The following ESRP1 variants were observed in gnomAD, a reference collection of about 807,000 sequenced individuals.
ESRP1 encodes the protein RNA-binding motif protein 35A.
Under a neutral mutation model 81.7 loss-of-function variants are expected in ESRP1, and 33 were observed. That is an observed-to-expected ratio of 0.40 (90% CI 0.31 to 0.54). The LOEUF (loss-of-function observed/expected upper bound fraction) is 0.54. Ranked by LOEUF, ESRP1 falls within the 20% of genes least tolerant of loss-of-function variation. The pLI is 0.41. For missense variants in ESRP1, 672 were observed against 833.1 expected (o/e 0.81, Z 2.38); for synonymous variants, 320 against 303.3 (o/e 1.06, Z -0.57).
At chr8:94,652,465 C>T (rs765508471) in intron 4 of ESRP1, among the ~76,000 whole-genome samples, 12 of 147,790 alleles carry the variant, frequency 8.1e-5, no homozygotes, top group East Asian at 7.9e-4. Flanking sequence ...ATGATAGGGA[C>T]GGGGGCTTCT....
At chr8:94,689,309 T>C (rs1464200018) in intron 13 of ESRP1, among the ~76,000 whole-genome samples, 1 of 132,882 alleles carries the variant, frequency 7.5e-6, no homozygotes, top group African/African-American at 2.5e-5. Context: ...TTTCCATTTA[T>C]TTAGATGATC....
chr8:94,656,374 A>T (rs1435894238), intron 4 of ESRP1, among the ~76,000 whole-genome samples: 1 of 151,812 alleles, frequency 6.6e-6, no homozygotes, highest in Non-Finnish European at 1.5e-5. Context: ...GCGTGCCACC[A>T]CGCCCGGCTA....
At chr8:94,671,924 A>G (rs1819351807) in intron 11 of ESRP1, among the ~76,000 whole-genome samples, 1 of 152,228 alleles carries the variant, frequency 6.6e-6, no homozygotes, top group Non-Finnish European at 1.5e-5. Context: ...CTGTAAATAC[A>G]AGAGGTCTTT....
At chr8:94,651,874 G>A (rs934037192) in intron 4 of ESRP1, among the ~76,000 whole-genome samples, 1 of 151,522 alleles carries the variant, frequency 6.6e-6, no homozygotes, top group African/African-American at 2.4e-5. Flanking sequence ...GCCTCCCAAA[G>A]TTCTGGTTTT....
intron 4 of ESRP1, among the ~76,000 whole-genome samples, chr8:94,659,446 G>A (rs142195859): frequency 9.2e-5 from 14 of 152,260 alleles, no homozygotes; most frequent in African/African-American, 3.4e-4. Flanking sequence ...CCAACTGGTG[G>A]TTACCCCATC....
At chr8:94,689,800 A>G (rs1809301578) in intron 13 of ESRP1, among the ~76,000 whole-genome samples, 1 of 89,228 alleles carries the variant, frequency 1.1e-5, no homozygotes, top group Non-Finnish European at 2.4e-5. Flanking sequence ...GGCATGTGCT[A>G]TGATGCCTGG....
intron 5 of ESRP1, 57 bp downstream of exon 5, chr8:94,662,427 C>G: frequency 6.5e-7 from 1 of 1,538,482 alleles, no homozygotes; most frequent in Non-Finnish European, 8.8e-7. Context: ...TTTCTCTTAC[C>G]TATACTCAAA....
chr8:94,662,467 A>G (rs773413648), intron 5 of ESRP1, 34 bp from the exon 6 acceptor site: 3 of 1,580,962 alleles, frequency 1.9e-6, no homozygotes, highest in Non-Finnish European at 2.6e-6. Flanking sequence ...CTCCCTAATC[A>G]CTAAAATGAT....
At chr8:94,665,616 G>T (rs551019067) in intron 9 of ESRP1, among the ~76,000 whole-genome samples, 1 of 151,998 alleles carries the variant, frequency 6.6e-6, no homozygotes, top group African/African-American at 2.4e-5. Context: ...CTCCGCCTCC[G>T]TAGTGGCTGG....
chr8:94,666,115 A>T (rs1486091720), intron 9 of ESRP1, among the ~76,000 whole-genome samples: 2 of 152,150 alleles, frequency 1.3e-5, no homozygotes, highest in Non-Finnish European at 1.5e-5. Context: ...TCTGTTGCTC[A>T]TTCATATTGT....
chr8:94,656,423 A>G (rs561722235), intron 4 of ESRP1, among the ~76,000 whole-genome samples: 58 of 150,958 alleles, frequency 3.8e-4, no homozygotes, highest in Middle Eastern at 3.4e-3. Flanking sequence ...GGGTTTCACC[A>G]TGTTAGCCAG....
rs1177321038 is a variant in ESRP1 at position 94,641,984 on chromosome 8, G to C, written c.161G>C (p.Arg54Thr). The change falls in exon 2 of 16, where the codon AGA (arginine) becomes ACA (threonine). Residue 54 changes from arginine (R) to threonine (T), a missense_variant. Coordinates refer to ENST00000433389, the MANE Select transcript of ESRP1 (RefSeq NM_017697.4). Reference sequence around the variant, plus strand: ...GGACAGTTGCACGAAGTGCTAGTTAGACCGGATCAGTTGGAACTGACGGAG... The same window carrying C: ...GGACAGTTGCACGAAGTGCTAGTTACACCGGATCAGTTGGAACTGACGGAG... ...KVGQLHEVLV[R>T]PDQLELTEDC... The C allele has an allele frequency of 2.5e-6, 4 of 1,614,008 alleles. No homozygotes were observed. In the African/African-American group the frequency reaches 4.0e-5, roughly 16 times the overall value.
rs1244115234 is a variant in ESRP1 at position 94,706,705 on chromosome 8, C to CT, written c.*822dup. On this transcript the variant is annotated 3_prime_UTR_variant, in exon 16 of 16. Coordinates refer to ENST00000433389, the MANE Select transcript of ESRP1 (RefSeq NM_017697.4). ...TTCATATGTATTATTTTATATTGTA[C>CT]TTTTTTCATTATTGATGGTTTGGAC... 1.3e-5 allele frequency: 2 copies of CT among 152,536 alleles called. No individual in the cohort carries two copies. Among genetic ancestry groups the CT allele is most frequent in the East Asian group, 3.9e-4 (2 of 5,178 alleles). 9.4% of individuals were successfully genotyped at this position (152,536 alleles called of 1,614,324 possible).
intron 15 of ESRP1, among the ~76,000 whole-genome samples, chr8:94,700,979 G>GTGTA (rs1563552491): frequency 5.0e-4 from 67 of 132,710 alleles, no homozygotes; most frequent in African/African-American, 2.0e-3. Flanking sequence ...GTGTGTGTGT[G>GTGTA]TGTGTTAAGA....
At chr8:94,695,378 G>T (rs1476182649) in intron 14 of ESRP1, among the ~76,000 whole-genome samples, 1 of 74,666 alleles carries the variant, frequency 1.3e-5, no homozygotes, top group Non-Finnish European at 2.4e-5. Context: ...TTTTTGAGAC[G>T]GAGTCTCACT....
At position 94,706,154 on chromosome 8, in the gene ESRP1, A is replaced by T; in HGVS notation, c.*265A>T. ...ACCTGGCTCTTTGCTGATTGCAAAT[A>T]GGCATTTAAAATGTGAATTTGGAAT... On this transcript the variant is annotated 3_prime_UTR_variant, in exon 16 of 16. Coordinates refer to ENST00000433389, the MANE Select transcript of ESRP1 (RefSeq NM_017697.4). The T allele has an allele frequency of 1.9e-6, 1 of 525,870 alleles. No homozygotes were observed. The highest frequency in any genetic ancestry group is 3.3e-6 in the Non-Finnish European group (1 of 300,160). The allele number at this position is 525,870 out of a possible 1,614,324, so 32.6% of individuals were successfully genotyped here.
chr8:94,678,916 GAC>G (rs1250961417), intron 13 of ESRP1, among the ~76,000 whole-genome samples: 1 of 152,058 alleles, frequency 6.6e-6, no homozygotes, highest in Non-Finnish European at 1.5e-5. Flanking sequence ...CAATTTCTCG[GAC>G]ATAGCATACT....
At chr8:94,687,440 G>GTA (rs1490924082) in intron 13 of ESRP1, among the ~76,000 whole-genome samples, 2 of 152,130 alleles carry the variant, frequency 1.3e-5, no homozygotes, top group Non-Finnish European at 2.9e-5. Flanking sequence ...GTTTTCTAGG[G>GTA]TATATATCTA....
rs1586278539 is a variant in ESRP1, at chr8:94,706,250, A to C, written c.*361A>C. ...CCTAAGTTTTAAGTCTTGGATAAAAACTCCACCAGTGTCTACCATCTCCAC... is the reference window on the plus strand; with the variant it reads ...CCTAAGTTTTAAGTCTTGGATAAAACCTCCACCAGTGTCTACCATCTCCAC... On this transcript the variant is annotated 3_prime_UTR_variant, in exon 16 of 16. Transcript: ENST00000433389. The C allele has an allele frequency of 9.5e-6, 3 of 316,710 alleles. No homozygotes were observed. Among genetic ancestry groups the C allele is most frequent in the South Asian group, 6.5e-5 (1 of 15,370 alleles). The allele number at this position is 316,710 out of a possible 1,614,324, so 19.6% of individuals were successfully genotyped here. A position where few individuals can be genotyped will look rare whatever the true frequency, so the allele number is the denominator to read the frequency against.
Sources: allele counts gnomAD v4.1 joint callset (sites outside exome capture counted in the v4.1 genomes callset), GRCh38; gene constraint gnomAD v4.1.1; transcripts MANE v1.5; gene names NCBI Gene and HGNC (gene_info 2026-07-23, HGNC 2026-07-21).